The following ROCK1 variants were observed in gnomAD, a reference collection of about 807,000 sequenced individuals.
ROCK1 encodes Rho associated coiled-coil containing protein kinase 1, also known as rho-associated protein kinase 1.
Under a neutral mutation model 196.8 loss-of-function variants are expected in ROCK1, and 36 were observed. The observed-to-expected ratio is 0.18, with a 90% CI of 0.14 to 0.24. The LOEUF is 0.24. Ranked by LOEUF, ROCK1 falls within the 10% of genes least tolerant of loss-of-function variation. The probability of loss-of-function intolerance (pLI) is 1.00; values close to 1 mark genes in which losing one functional copy is unlikely to be tolerated. For missense variants in ROCK1, 920 were observed against 1,562.0 expected, an observed-to-expected ratio of 0.59 and a Z score of 6.93; for synonymous variants, 443 against 515.9, an observed-to-expected ratio of 0.86 and a Z score of 1.91.
At chr18:21,073,124 A>G (rs1029294485) in intron 1 of ROCK1, among the ~76,000 whole-genome samples, 2 of 141,514 alleles carry the variant, frequency 1.4e-5, no homozygotes, top group African/African-American at 5.1e-5. Flanking sequence ...AAAATATGTA[A>G]CAGAGGGGCC....
intron 20 of ROCK1, among the ~76,000 whole-genome samples, chr18:20,983,413 A>G (rs1008178505): frequency 2.0e-5 from 3 of 151,778 alleles, no homozygotes; most frequent in Non-Finnish European, 4.4e-5. Context: ...GCATGTATAT[A>G]ATACATACAT....
intron 14 of ROCK1, among the ~76,000 whole-genome samples, chr18:21,007,349 G>A (rs527327542): frequency 5.3e-5 from 8 of 152,090 alleles, no homozygotes; most frequent in South Asian, 4.1e-4. Context: ...TTTTATAACC[G>A]TATTTAAGGA....
rs1163086192 is a variant in ROCK1, at chr18:20,970,520, C to G, written c.2655-7G>C. On this transcript the variant is annotated splice_region_variant and splice_polypyrimidine_tract_variant and intron_variant, in intron 22 of 32. Coordinates refer to ENST00000399799, the MANE Select transcript of ROCK1 (RefSeq NM_005406.3). ...CTGAGTAGCAAGAGTTTCTCTGCAA[C>G]AATTTTTTAAGAGAAACTGATGTAA... 6.3e-7 allele frequency: 1 copy of G among 1,582,206 alleles called. No individual in the cohort carries two copies. The highest frequency in any genetic ancestry group is 8.6e-7 in the Non-Finnish European group (1 of 1,159,700).
intron 12 of ROCK1, among the ~76,000 whole-genome samples, chr18:21,016,583 A>C (rs184823841): frequency 2.7e-4 from 41 of 152,270 alleles, no homozygotes; most frequent in South Asian, 1.2e-3. Flanking sequence ...TTTCACGTGG[A>C]TGTCTCATTA....
At chr18:21,107,930 T>G (rs1160927696) in intron 1 of ROCK1, among the ~76,000 whole-genome samples, 2 of 151,870 alleles carry the variant, frequency 1.3e-5, no homozygotes, top group Non-Finnish European at 2.9e-5. Flanking sequence ...AGTGCACGCG[T>G]GTAATCCCAA....
rs2035312747 is a variant in ROCK1, at chr18:20,960,121, T to C, written c.3423+15A>G. Reference sequence around the variant, plus strand: ...GAACAAAATACCAGTTAGAAAATAATTAGGTATATGGTACCTGTTTCTTCC... The same window carrying C: ...GAACAAAATACCAGTTAGAAAATAACTAGGTATATGGTACCTGTTTCTTCC... On this transcript the variant is annotated intron_variant, in intron 28 of 32. Coordinates refer to ENST00000399799, the MANE Select transcript of ROCK1 (RefSeq NM_005406.3). The C allele has an allele frequency of 6.6e-7, 1 of 1,513,214 alleles. No individual in the cohort carries two copies. Among genetic ancestry groups the C allele is most frequent in the Non-Finnish European group, 9.2e-7 (1 of 1,090,534 alleles). The allele number at this position is 1,513,214 out of a possible 1,614,324, so 93.7% of individuals were successfully genotyped here. A position where few individuals can be genotyped will look rare whatever the true frequency, so the allele number is the denominator to read the frequency against.
chr18:21,046,035 C>T (rs1437507773), intron 4 of ROCK1, among the ~76,000 whole-genome samples: 1 of 151,562 alleles, frequency 6.6e-6, no homozygotes, highest in African/African-American at 2.4e-5. Flanking sequence ...CTCAGCCTCC[C>T]GAGGAGCTGG....
intron 16 of ROCK1, among the ~76,000 whole-genome samples, chr18:21,005,159 A>G (rs1265284644): frequency 6.6e-6 from 1 of 152,244 alleles, no homozygotes; most frequent in African/African-American, 2.4e-5. Context: ...ATATGTGAGT[A>G]GGTAAAGCCA....
At chr18:21,109,641 C>G (rs1325438004) in intron 1 of ROCK1, among the ~76,000 whole-genome samples, 1 of 152,142 alleles carries the variant, frequency 6.6e-6, no homozygotes, top group African/African-American at 2.4e-5. Flanking sequence ...ATTTCCTGGT[C>G]AGGGATGCTT....
At chr18:20,991,504 A>G (rs1442376296) in intron 17 of ROCK1, among the ~76,000 whole-genome samples, 178 bp from the exon 18 acceptor site, 3 of 152,226 alleles carry the variant, frequency 2.0e-5, no homozygotes, top group African/African-American at 7.2e-5. Flanking sequence ...CATTTGAATC[A>G]TTAATCATGG....
At chr18:21,065,988 A>G (rs2036331230) in intron 2 of ROCK1, among the ~76,000 whole-genome samples, 1 of 152,158 alleles carries the variant, frequency 6.6e-6, no homozygotes, top group Non-Finnish European at 1.5e-5. Context: ...TTAAAGAAAA[A>G]TATTTTATCC....
At chr18:20,958,365 C>A (rs1364808137) in intron 29 of ROCK1, among the ~76,000 whole-genome samples, 1 of 152,060 alleles carries the variant, frequency 6.6e-6, no homozygotes, top group African/African-American at 2.4e-5. Flanking sequence ...AAAGCAGTTA[C>A]CAGACTTGAC....
intron 13 of ROCK1, among the ~76,000 whole-genome samples, chr18:21,011,420 G>C (rs1426570869): frequency 2.6e-5 from 4 of 152,126 alleles, no homozygotes; most frequent in Non-Finnish European, 5.9e-5. Context: ...ACCAGTTTGA[G>C]TAAAGTATAA....
chr18:21,038,680 T>C (rs1388379452), intron 9 of ROCK1, among the ~76,000 whole-genome samples: 1 of 152,214 alleles, frequency 6.6e-6, no homozygotes, highest in African/African-American at 2.4e-5. Flanking sequence ...ATTTCCATTG[T>C]TACTATTCAC....
chr18:20,970,400 G>A lies in ROCK1; in HGVS notation c.2768C>T (p.Ala923Val). 1.2e-6 allele frequency: 2 copies of A among 1,613,774 alleles called. No homozygotes were observed. Among genetic ancestry groups the A allele is most frequent in the Non-Finnish European group, 1.7e-6 (2 of 1,179,796 alleles). Reference sequence around the variant, plus strand: ...AATCTCTTGTCTATTTCTTGAAGCAGCTTTCTTGCTTTCTTGCGTCAATTC... The same window carrying A: ...AATCTCTTGTCTATTTCTTGAAGCAACTTTCTTGCTTTCTTGCGTCAATTC... ...YFELTQESKK[A>V]ASRNRQEITD... is the part of the protein sequence containing the mutation. The change falls in exon 23 of 33, where the codon GCT (alanine) becomes GTT (valine). Residue 923 changes from alanine to valine, a missense_variant. By Grantham distance (64) the Ala-to-Val change is moderately conservative. Transcript: ENST00000399799.
intron 9 of ROCK1, among the ~76,000 whole-genome samples, chr18:21,032,049 T>G (rs1217480119): frequency 2.0e-5 from 3 of 152,186 alleles, no homozygotes; most frequent in Non-Finnish European, 4.4e-5. Flanking sequence ...GCAGAAAGAC[T>G]ATTTGAAGAA....
chr18:21,060,218 G>A (rs1196201265), intron 2 of ROCK1, among the ~76,000 whole-genome samples: 1 of 152,074 alleles, frequency 6.6e-6, no homozygotes, highest in African/African-American at 2.4e-5. Flanking sequence ...ACTTAATAAA[G>A]TTGCTTTAAA....
intron 1 of ROCK1, among the ~76,000 whole-genome samples, chr18:21,102,254 G>A (rs1312245334): frequency 2.6e-5 from 4 of 152,128 alleles, no homozygotes; most frequent in Non-Finnish European, 5.9e-5. Flanking sequence ...AAGTGAATCT[G>A]ATACAATCTA....
chr18:20,968,819 C>T lies in ROCK1; in HGVS notation c.2956G>A (p.Ala986Thr). 1.9e-6 allele frequency: 3 copies of T among 1,609,698 alleles called. No individual in the cohort carries two copies. The highest frequency in any genetic ancestry group is 2.2e-5 in the East Asian group (1 of 44,836). Residue 986 changes from alanine (A) to threonine (T), a missense_variant, in exon 25 of 33, where the codon GCT becomes ACT. Ala to Thr is a moderately conservative substitution (Grantham distance 58). Coordinates refer to ENST00000399799, the MANE Select transcript of ROCK1 (RefSeq NM_005406.3). ...EKEEEISNLK[A>T]AFEKNINTER... is the part of the protein sequence containing the mutation. ...GTGTTGATATTCTTTTCAAAGGCAG[C>T]CTTAAGATTACTGATCTCCTCCTCC...
Sources: gnomAD v4.1 joint callset for allele counts (sites outside exome capture counted in the v4.1 genomes callset) on GRCh38, gnomAD v4.1.1 for gene constraint, MANE v1.5 for transcripts, NCBI Gene and HGNC (gene_info 2026-07-23, HGNC 2026-07-21) for gene names.